Variants in HYDIN observed in about 807,000 individuals in gnomAD.
The protein encoded by HYDIN is HYDIN axonemal central pair apparatus protein.
Under a neutral mutation model 403.9 loss-of-function variants are expected in HYDIN, and 132 were observed. The ratio of observed to expected loss-of-function variants is 0.33; its 90% confidence interval spans 0.28 to 0.38. The LOEUF is 0.38. Ranked by LOEUF, HYDIN falls within the 10% of genes least tolerant of loss-of-function variation. HYDIN has a pLI of 1.00. For missense variants in HYDIN, 2,827 were observed against 5,009.5 expected (o/e 0.56, Z 13.15); for synonymous variants, 1,202 against 1,891.7 (o/e 0.64, Z 9.46).
intron 62 of HYDIN, 113 bp from the exon 63 acceptor site, chr16:70,875,032 C>A (rs535237223): frequency 1.1e-5 from 12 of 1,093,232 alleles, no homozygotes; most frequent in Non-Finnish European, 1.4e-5. Flanking sequence ...AGGTATTATG[C>A]CTAGTATTCA....
chr16:70,859,629 G>C (rs1167064304), intron 71 of HYDIN, among the ~76,000 whole-genome samples: 1 of 152,186 alleles, frequency 6.6e-6, no homozygotes. Flanking sequence ...CATATCATTT[G>C]TGTAAACATT....
At position 70,941,645 on chromosome 16, in the gene HYDIN, C is replaced by T; in HGVS notation, c.6844G>A (p.Glu2282Lys). 6.5e-7 allele frequency: 1 copy of T among 1,549,378 alleles called. No homozygotes were observed. ...AMKAQEKAKK[E>K]QEERKHKGAL... ...AGGTAGGAGGCCTTGCCTTCTTGCT[C>T]CTTTTTGGCTTTCTCCTGGGCCTTC... Residue 2282 changes from glutamate (E) to lysine (K), a missense_variant, in exon 43 of 86, where the codon GAG becomes AAG. Glu to Lys is a moderately conservative substitution (Grantham distance 56). Coordinates refer to ENST00000393567, the MANE Select transcript of HYDIN (RefSeq NM_001270974.2).
chr16:70,949,414 T>C (rs1567889007), intron 41 of HYDIN, among the ~76,000 whole-genome samples: 1 of 151,790 alleles, frequency 6.6e-6, no homozygotes, highest in Non-Finnish European at 1.5e-5. Context: ...CATATGTAAC[T>C]AACCTGCACA....
At chr16:71,067,805 A>G (rs1355898728) in intron 14 of HYDIN, among the ~76,000 whole-genome samples, 3 of 152,054 alleles carry the variant, frequency 2.0e-5, no homozygotes, top group African/African-American at 7.3e-5. Context: ...CTTACAGTAA[A>G]ATAAATGGAA....
rs79417681 is a variant in HYDIN at position 70,868,707 on chromosome 16, G to C, written c.11173C>G (p.Arg3725Gly). Residue 3725 changes from arginine (R) to glycine (G), a missense_variant, in exon 66 of 86, where the codon CGG becomes GGG. Arg to Gly is a moderately radical substitution (Grantham distance 125, BLOSUM62 -2). Transcript: ENST00000393567. ...ATCCTGGAGAGCTTGCACCTGATCC[G>C]CATATTCTTTAGGTTGATGGGTACA... ...SDVPINLKNM[R>G]IRCKLSRIMF... The C allele has an allele frequency of 6.2e-7, 1 of 1,607,738 alleles. No homozygotes were observed. Among genetic ancestry groups the C allele is most frequent in the Non-Finnish European group, 8.5e-7 (1 of 1,179,896 alleles).
At chr16:70,826,825 A>G (rs2036630961) in intron 83 of HYDIN, among the ~76,000 whole-genome samples, 1 of 136,326 alleles carries the variant, frequency 7.3e-6, no homozygotes, top group African/African-American at 3.2e-5. Flanking sequence ...TCTATCCCAC[A>G]TCTTAGCTCC....
rs556207736 is a variant in HYDIN at position 70,897,086 on chromosome 16, T to C, written c.9049-1006A>G. ...CAACCCACAGAATGGCAGAAAATAT[T>C]TGCAAACTATGCATCTGACAAAGGA... On this transcript the variant is annotated intron_variant, in intron 53 of 85. Coordinates refer to ENST00000393567, the MANE Select transcript of HYDIN (RefSeq NM_001270974.2). Among the ~76,000 whole-genome samples, 200 of 150,962 alleles carry C rather than the reference T, an allele frequency of 1.3e-3. 1 individual carries two copies. The highest frequency in any genetic ancestry group is 1.8e-3 in the Admixed American group (27 of 15,132).
At chr16:70,916,336 C>A (rs2076840108) in intron 47 of HYDIN, among the ~76,000 whole-genome samples, 1 of 152,196 alleles carries the variant, frequency 6.6e-6, no homozygotes, top group African/African-American at 2.4e-5. Context: ...TTCCTCTACC[C>A]CTGTATTTTG....
At chr16:71,111,661 C>T (rs943790932) in intron 10 of HYDIN, among the ~76,000 whole-genome samples, 19 of 151,974 alleles carry the variant, frequency 1.3e-4, no homozygotes, top group Middle Eastern at 3.2e-3. Context: ...CTGGTGGCTG[C>T]GGAGAGCTAC....
intron 18 of HYDIN, among the ~76,000 whole-genome samples, chr16:71,034,329 A>T (rs1361773032): frequency 2.0e-5 from 3 of 152,016 alleles, no homozygotes; most frequent in Non-Finnish European, 4.4e-5. Context: ...AAACCTCCTG[A>T]CAAACTTAGG....
intron 6 of HYDIN, among the ~76,000 whole-genome samples, chr16:71,160,199 C>T (rs550579903): frequency 9.0e-4 from 119 of 132,778 alleles, no homozygotes; most frequent in Non-Finnish European, 1.1e-3. Context: ...AAAACTCATA[C>T]CATTCCAAAA....
intron 18 of HYDIN, among the ~76,000 whole-genome samples, chr16:71,040,506 A>G (rs999799818): frequency 9.4e-6 from 1 of 106,734 alleles, no homozygotes; most frequent in Non-Finnish European, 1.9e-5. Flanking sequence ...CCCCCCACAC[A>G]CACAACTTTA....
intron 5 of HYDIN, among the ~76,000 whole-genome samples, chr16:71,173,935 A>C (rs2086565734): frequency 6.6e-6 from 1 of 152,204 alleles, no homozygotes; most frequent in Non-Finnish European, 1.5e-5. Context: ...TTTGTATTTC[A>C]AGCTGCACAA....
At chr16:70,950,337 A>G (rs1241744992) in intron 41 of HYDIN, among the ~76,000 whole-genome samples, 1 of 151,884 alleles carries the variant, frequency 6.6e-6, no homozygotes, top group Admixed American at 6.6e-5. Flanking sequence ...TGCAACCTCC[A>G]CCTTCTGGGT....
intron 7 of HYDIN, among the ~76,000 whole-genome samples, chr16:71,141,794 G>A (rs2085182132): frequency 6.6e-6 from 1 of 152,150 alleles, no homozygotes; most frequent in Non-Finnish European, 1.5e-5. Flanking sequence ...CTACACCCCA[G>A]CAATTGCACT....
At chr16:71,128,584 T>C (rs1271416279) in intron 9 of HYDIN, among the ~76,000 whole-genome samples, 4 of 151,900 alleles carry the variant, frequency 2.6e-5, no homozygotes, top group African/African-American at 9.7e-5. Flanking sequence ...ATTGCTGTTT[T>C]TTTTGTTTGT....
At chr16:71,214,344 T>C (rs957390027) in intron 1 of HYDIN, among the ~76,000 whole-genome samples, 9 of 152,076 alleles carry the variant, frequency 5.9e-5, no homozygotes, top group Non-Finnish European at 1.0e-4. Context: ...AAATCAAAAC[T>C]TGAAAAAATT....
intron 18 of HYDIN, among the ~76,000 whole-genome samples, chr16:71,033,180 A>G (rs995910965): frequency 6.6e-6 from 1 of 152,164 alleles, no homozygotes; most frequent in African/African-American, 2.4e-5. Context: ...TTTCAACAAC[A>G]AAAATGGAAT....
intron 9 of HYDIN, among the ~76,000 whole-genome samples, chr16:71,120,068 G>A (rs1193128438): frequency 6.6e-6 from 1 of 151,590 alleles, no homozygotes; most frequent in Non-Finnish European, 1.5e-5. Flanking sequence ...CTCATCACAC[G>A]GATCCGCGTC....
Sources: allele counts gnomAD v4.1 joint callset (sites outside exome capture counted in the v4.1 genomes callset), GRCh38; gene constraint gnomAD v4.1.1; transcripts MANE v1.5; gene names NCBI Gene and HGNC (gene_info 2026-07-23, HGNC 2026-07-21).